NPEPPS: variants seen among roughly 807,000 people sequenced by gnomAD.
The protein encoded by NPEPPS is aminopeptidase puromycin sensitive.
In NPEPPS, 14 loss-of-function variants were observed where a neutral mutation model predicts 115.5. The observed-to-expected ratio is 0.12, with a 90% CI of 0.08 to 0.19. The LOEUF (loss-of-function observed/expected upper bound fraction) is 0.19, where lower values mean the gene tolerates loss of function less well. Ranked by LOEUF, NPEPPS falls within the 10% of genes least tolerant of loss-of-function variation. The pLI, the probability that NPEPPS is intolerant of heterozygous loss-of-function variation, is 1.00. For synonymous variants in NPEPPS, 285 were observed against 390.6 expected (o/e 0.73, Z 3.19); for missense variants, 523 against 1,110.8 (o/e 0.47, Z 7.52).
At chr17:47,598,689 C>G (rs1307438712) in intron 13 of NPEPPS, among the ~76,000 whole-genome samples, 1 of 152,188 alleles carries the variant, frequency 6.6e-6, no homozygotes, top group Non-Finnish European at 1.5e-5. Flanking sequence ...AAGCAGAACA[C>G]ACTTTTAAGA....
intron 2 of NPEPPS, among the ~76,000 whole-genome samples, chr17:47,551,839 C>T (rs1435005380): frequency 2.6e-4 from 30 of 116,044 alleles, no homozygotes; most frequent in African/African-American, 8.3e-4. Context: ...GAAAGTATAA[C>T]GAATTGCCAA....
At chr17:47,606,236 A>C (rs994500243) in intron 17 of NPEPPS, among the ~76,000 whole-genome samples, 1 of 152,164 alleles carries the variant, frequency 6.6e-6, no homozygotes, top group Admixed American at 6.5e-5. Context: ...TAAGGAAATT[A>C]TTTGCTTTCT....
upstream of NPEPPS, among the ~76,000 whole-genome samples, chr17:47,529,051 A>G (rs2611991): frequency 6.6e-5 from 10 of 152,186 alleles, no homozygotes; most frequent in Non-Finnish European, 1.2e-4. Flanking sequence ...TGTGGCTACT[A>G]TAAGATTTAA....
Position 47,605,337 on chromosome 17 carries a change from G to A in NPEPPS, c.1880G>A (p.Arg627Gln), listed in dbSNP as rs1299086033. Residue 627 changes from arginine (R) to glutamine (Q), a missense_variant, in exon 17 of 23, where the codon CGA (arginine) becomes CAA (glutamine). Arg to Gln is a conservative substitution (Grantham distance 43). This residue lies in a region of NPEPPS where 372 missense variants were observed against 542.6 expected (regional missense o/e 0.69). Transcript: ENST00000322157. ...TTATGTTTTTTCCTATCCCAGGCTC[G>A]AGCTGGAATCATTAGCACTGTAGAG... ...GLQNDLFSLA[R>Q]AGIISTVEVL... 1.9e-6 allele frequency: 3 copies of A among 1,598,074 alleles called. No homozygotes were observed. The highest frequency in any genetic ancestry group is 2.6e-6 in the Non-Finnish European group (3 of 1,173,306).
intron 3 of NPEPPS, among the ~76,000 whole-genome samples, chr17:47,575,580 A>AATTATT (rs10646632): frequency 0.02 from 2,925 of 144,068 alleles, 41 homozygotes; most frequent in African/African-American, 0.033. Context: ...GACAATATTG[A>AATTATT]ATTATTATTA....
At chr17:47,603,800 CTTAA>C (rs1913372708) in intron 15 of NPEPPS, 111 bp from the exon 16 acceptor site, 2 of 907,054 alleles carry the variant, frequency 2.2e-6, no homozygotes, top group Non-Finnish European at 3.3e-6. Context: ...CATAGATGGT[CTTAA>C]TTGTTTTTCA....
In NPEPPS at chr17:47,545,840, C is replaced by T. The variant is rs537677393; in HGVS notation, c.256-69C>T. On this transcript the variant is annotated intron_variant, in intron 1 of 22. Transcript: ENST00000322157. The stretch of plus-strand genomic sequence containing the variant: ...GGGATTACAGGTGTGTGCCAACACA[C>T]CTGGCCAAGTTGTATATACTATTAA... 137 of 1,473,922 alleles carry T rather than the reference C, an allele frequency of 9.3e-5. 1 individual carries two copies. In the African/African-American group the frequency reaches 1.5e-3, roughly 16 times the overall value. 91.3% of individuals were successfully genotyped at this position (1,473,922 alleles called of 1,614,324 possible).
At chr17:47,534,444 A>G (rs1377304086) in intron 1 of NPEPPS, among the ~76,000 whole-genome samples, 1 of 152,214 alleles carries the variant, frequency 6.6e-6, no homozygotes, top group African/African-American at 2.4e-5. Flanking sequence ...TAACAGTTGG[A>G]ATCACATAAC....
rs565258752 is a variant in NPEPPS, at chr17:47,540,385, T to A, written c.256-5524T>A. Among the ~76,000 whole-genome samples the A allele has an allele frequency of 4.6e-5, 7 of 152,316 alleles. No individual in the cohort carries two copies. In the South Asian group the frequency reaches 1.5e-3, roughly 32 times the overall value. On this transcript the variant is annotated intron_variant, in intron 1 of 22. Coordinates refer to ENST00000322157, the MANE Select transcript of NPEPPS (RefSeq NM_006310.4). ...TTTTAATGCTGAAATTTCTTTGAAT[T>A]ATTACCTGTTTTTTTGATAGTGGAA...
chr17:47,541,675 A>C (rs768806994), intron 1 of NPEPPS, among the ~76,000 whole-genome samples: 3 of 152,080 alleles, frequency 2.0e-5, no homozygotes, highest in Non-Finnish European at 4.4e-5. Context: ...GTGCCCAGCC[A>C]TGTTTCTGAA....
At chr17:47,586,116 A>G in intron 6 of NPEPPS, 32 bp from the exon 7 acceptor site, 1 of 555,174 alleles carries the variant, frequency 1.8e-6, no homozygotes, top group Non-Finnish European at 3.0e-6. Flanking sequence ...TAACATATTT[A>G]TTAGATGGTT....
At position 47,623,088 on chromosome 17, in the gene NPEPPS, CTT is replaced by C; in HGVS notation, c.*1175_*1176del. ...TCTCATTCCCTTCTTCTTTCCCTAC[CTT>C]TTTTTTCTTTTTTTCTTAAAAAAAT... On this transcript the variant is annotated 3_prime_UTR_variant, in exon 23 of 23. Transcript: ENST00000322157. 3.9e-6 allele frequency: 1 copy of C among 253,702 alleles called. No homozygotes were observed. The highest frequency in any genetic ancestry group is 7.8e-6 in the Non-Finnish European group (1 of 128,986). 15.7% of individuals were successfully genotyped at this position (253,702 alleles called of 1,614,324 possible).
chr17:47,619,039 G>A lies in NPEPPS; in HGVS notation c.2434G>A (p.Val812Ile). Residue 812 changes from valine (V) to isoleucine (I), a missense_variant, in exon 21 of 23, where the codon GTA becomes ATA. By Grantham distance (29) the Val-to-Ile change is conservative. Around this residue, in one of 4 missense-constraint regions of NPEPPS, gnomAD observed 372 missense variants for 542.6 expected, o/e 0.69. Coordinates refer to ENST00000322157, the MANE Select transcript of NPEPPS (RefSeq NM_006310.4). ...EEVRPQDTVSVIGGVAGGSKH... is the reference protein window; with the variant it reads ...EEVRPQDTVSIIGGVAGGSKH... Reference sequence around the variant, plus strand: ...GGTACGTCCACAGGACACTGTATCGGTAATTGGTGGAGTAGCTGGAGGCAG... The same window carrying A: ...GGTACGTCCACAGGACACTGTATCGATAATTGGTGGAGTAGCTGGAGGCAG... 1 of 1,613,982 alleles carries A rather than the reference G, an allele frequency of 6.2e-7. No homozygotes were observed. The highest frequency in any genetic ancestry group is 8.5e-7 in the Non-Finnish European group (1 of 1,179,888).
At chr17:47,571,001 G>A (rs1227891276) in intron 3 of NPEPPS, among the ~76,000 whole-genome samples, 1 of 152,184 alleles carries the variant, frequency 6.6e-6, no homozygotes, top group East Asian at 1.9e-4. Flanking sequence ...AGAAGTGTCT[G>A]AGATATTACT....
Position 47,599,570 on chromosome 17 carries a change from C to T in NPEPPS, c.1537-106C>T, listed in dbSNP as rs894224854. The T allele has an allele frequency of 7.4e-6, 6 of 809,304 alleles. 1 individual carries two copies. Among genetic ancestry groups the T allele is most frequent in the South Asian group, 3.2e-5 (2 of 61,578 alleles). 50.1% of individuals were successfully genotyped at this position (809,304 alleles called of 1,614,324 possible). ...TACTCATGAGACATTTGGTTGTGCT[C>T]GTTCCAGCATTTGTCACAGAAATGT... is the stretch of plus-strand genomic sequence containing the variant. On this transcript the variant is annotated intron_variant, in intron 13 of 22. Transcript: ENST00000322157.
upstream of NPEPPS, among the ~76,000 whole-genome samples, chr17:47,527,248 C>T (rs1304474939): frequency 1.3e-5 from 2 of 151,988 alleles, no homozygotes; most frequent in Non-Finnish European, 2.9e-5. Context: ...TTTGGGAGGC[C>T]GAGGTGGGCG....
At position 47,601,465 on chromosome 17, in the gene NPEPPS, C is replaced by G. The variant is rs1913196158; in HGVS notation, c.1601-143C>G. 3 of 798,952 alleles carry G rather than the reference C, an allele frequency of 3.8e-6. No homozygotes were observed. In the East Asian group the frequency reaches 7.8e-5, roughly 21 times the overall value. The allele number at this position is 798,952 out of a possible 1,614,324, so 49.5% of individuals were successfully genotyped here. On this transcript the variant is annotated intron_variant, in intron 14 of 22. Transcript: ENST00000322157. ...TTTGCACTGATACTATTCAGGTTAT[C>G]TGGAAGAGTTCATGTACCACTAAGA...
intron 2 of NPEPPS, among the ~76,000 whole-genome samples, chr17:47,565,344 A>G (rs950157996): frequency 5.3e-5 from 8 of 152,050 alleles, no homozygotes; most frequent in African/African-American, 1.9e-4. Context: ...CTCTATCTCT[A>G]CTAAAAATAC....
intron 1 of NPEPPS, among the ~76,000 whole-genome samples, chr17:47,538,363 T>C (rs1908482836): frequency 6.7e-6 from 1 of 149,678 alleles, no homozygotes; most frequent in Non-Finnish European, 1.5e-5. Context: ...TACAGGTGCA[T>C]GCCACCACAC....
Sources: gnomAD v4.1 joint callset for allele counts (sites outside exome capture counted in the v4.1 genomes callset) on GRCh38, gnomAD v4.1.1 for gene constraint, gnomAD v4.1.1 regional missense constraint, MANE v1.5 for transcripts, NCBI Gene and HGNC (gene_info 2026-07-23, HGNC 2026-07-21) for gene names.